Variants in CIMIP6 observed in about 807,000 individuals in gnomAD.
The protein encoded by CIMIP6 is ciliary microtubule inner protein 6, also known as uncharacterized protein C2orf73.
At chr2:54,332,835 ACT>A in the CIMIP6 span, among the ~76,000 whole-genome samples, 2 of 152,176 alleles carry the variant, frequency 1.3e-5, no homozygotes, top group African/African-American at 4.8e-5. Context: ...GACCCCAAAG[ACT>A]CTACCTTTAA....
At chr2:54,345,067 T>A in the CIMIP6 span, among the ~76,000 whole-genome samples, 5 of 152,194 alleles carry the variant, frequency 3.3e-5, no homozygotes, top group Non-Finnish European at 2.9e-5. Flanking sequence ...TTCTTATTTT[T>A]CAGATAAGAA....
the CIMIP6 span, among the ~76,000 whole-genome samples, chr2:54,353,724 A>G: frequency 6.6e-6 from 1 of 152,158 alleles, no homozygotes; most frequent in Non-Finnish European, 1.5e-5. Flanking sequence ...GTGGAGGAGC[A>G]GCTTTTTCAA....
the CIMIP6 span, chr2:54,360,233 A>G: frequency 6.2e-7 from 1 of 1,604,286 alleles, no homozygotes. Flanking sequence ...GAGAGAGATA[A>G]AACCAGGCAG....
chr2:54,380,578 A>G, the CIMIP6 span, among the ~76,000 whole-genome samples: 1 of 152,114 alleles, frequency 6.6e-6, no homozygotes, highest in Non-Finnish European at 1.5e-5. Context: ...GAGTTAAAAC[A>G]CTCAAAAAGC....
At chr2:54,331,131 T>G in the CIMIP6 span, 2 of 831,258 alleles carry the variant, frequency 2.4e-6, no homozygotes, top group Middle Eastern at 2.6e-4. Flanking sequence ...TAATTTCCAG[T>G]TGGCTGAGCG....
the CIMIP6 span, among the ~76,000 whole-genome samples, chr2:54,367,105 A>C: frequency 1.3e-5 from 2 of 152,074 alleles, no homozygotes; most frequent in East Asian, 3.9e-4. Context: ...CATCATTTCC[A>C]TGACTAATCG....
the CIMIP6 span, chr2:54,334,920 G>A: frequency 6.3e-7 from 1 of 1,588,436 alleles, no homozygotes; most frequent in Non-Finnish European, 8.6e-7. Flanking sequence ...AAAATCACAT[G>A]TTGGAAGAGG....
At chr2:54,340,809 A>G in the CIMIP6 span, among the ~76,000 whole-genome samples, 4 of 152,078 alleles carry the variant, frequency 2.6e-5, no homozygotes, top group African/African-American at 9.7e-5. Flanking sequence ...GCTTTTAAGA[A>G]AAAAATATAG....
the CIMIP6 span, among the ~76,000 whole-genome samples, chr2:54,333,481 C>G: frequency 6.6e-6 from 1 of 152,114 alleles, no homozygotes. Flanking sequence ...GTTGGAGGGT[C>G]TTGAGTGAAG....
At chr2:54,368,229 G>A in the CIMIP6 span, among the ~76,000 whole-genome samples, 1 of 152,132 alleles carries the variant, frequency 6.6e-6, no homozygotes, top group African/African-American at 2.4e-5. Flanking sequence ...TTTTGTTGTG[G>A]TAGGAGTTGT....
At chr2:54,335,382 T>C in the CIMIP6 span, among the ~76,000 whole-genome samples, 13 of 152,226 alleles carry the variant, frequency 8.5e-5, no homozygotes, top group Admixed American at 7.2e-4. Context: ...TAATCATTTA[T>C]TGAAAGCATA....
the CIMIP6 span, among the ~76,000 whole-genome samples, chr2:54,349,952 A>C: frequency 2.0e-5 from 3 of 151,522 alleles, no homozygotes; most frequent in Non-Finnish European, 4.4e-5. Context: ...CGGGCTCAAG[A>C]GATTCTCCTG....
At chr2:54,357,734 G>A in the CIMIP6 span, among the ~76,000 whole-genome samples, 30 of 138,336 alleles carry the variant, frequency 2.2e-4, no homozygotes, top group Admixed American at 2.2e-3. Flanking sequence ...TCACCACCAC[G>A]CCCAGCTAAT....
At chr2:54,372,986 TC>T in the CIMIP6 span, among the ~76,000 whole-genome samples, 300 of 152,164 alleles carry the variant, frequency 2.0e-3, 1 homozygote, top group Non-Finnish European at 3.4e-3. Context: ...TCTTTTCCAT[TC>T]CCACTGCCCC....
At chr2:54,363,260 T>G in the CIMIP6 span, among the ~76,000 whole-genome samples, 1 of 152,168 alleles carries the variant, frequency 6.6e-6, no homozygotes, top group Admixed American at 6.6e-5. Context: ...TAGCCTGACT[T>G]TGGGACAAGT....
At chr2:54,360,054 G>C in the CIMIP6 span, 4 of 895,874 alleles carry the variant, frequency 4.5e-6, no homozygotes, top group African/African-American at 1.7e-5. Context: ...GTGGTGTCTA[G>C]TTTGGGACTG....
the CIMIP6 span, among the ~76,000 whole-genome samples, chr2:54,377,205 A>C: frequency 6.6e-6 from 1 of 152,292 alleles, no homozygotes; most frequent in Non-Finnish European, 1.5e-5. Context: ...GAAAAACAAC[A>C]GCCTGATTCG....
chr2:54,352,480 A>G, the CIMIP6 span, among the ~76,000 whole-genome samples: 1 of 152,176 alleles, frequency 6.6e-6, no homozygotes. Context: ...CATCCTTACA[A>G]CATGATGTTT....
chr2:54,349,839 A>G, the CIMIP6 span, among the ~76,000 whole-genome samples: 1 of 151,290 alleles, frequency 6.6e-6, no homozygotes, highest in East Asian at 1.9e-4. Context: ...TTCCGTGATG[A>G]AAAAGAAATC....
Sources: gnomAD v4.1 joint callset for allele counts (sites outside exome capture counted in the v4.1 genomes callset) on GRCh38, gnomAD v4.1.1 for gene constraint, MANE v1.5 for transcripts, NCBI Gene and HGNC (gene_info 2026-07-23, HGNC 2026-07-21) for gene names.